Variants in SMPX observed in about 807,000 individuals in gnomAD.
SMPX encodes small muscle protein X-linked, also known as small muscular protein.
Under a neutral mutation model 6.3 loss-of-function variants are expected in SMPX, and 2 were observed. That is an observed-to-expected ratio of 0.32 (90% CI 0.13 to 0.99). SMPX has a LOEUF of 0.99. SMPX is among the 50% of genes least tolerant of loss of function. The pLI is 0.49. For synonymous variants in SMPX, 32 were observed against 24.7 expected, an observed-to-expected ratio of 1.30 and a Z score of -0.88; for missense variants, 60 against 66.8, an observed-to-expected ratio of 0.90 and a Z score of 0.36.
rs145834885 is a variant in SMPX, at chrX:21,717,018, T to C, written c.*15-10624A>G. 3.6e-3 allele frequency among the ~76,000 whole-genome samples: 408 copies of C among 112,170 alleles called. 2 individuals are homozygous for C. The highest frequency in any genetic ancestry group is 0.012 in the African/African-American group (377 of 30,877). The stretch of plus-strand genomic sequence containing the variant: ...AGAAGTGAAGTCTGTGCTTTTAGTG[T>C]AACCATCACCAAAAGAGTGTACGCT... On this transcript the variant is annotated intron_variant, in intron 4 of 4. Coordinates refer to ENST00000379494, the MANE Select transcript of SMPX (RefSeq NM_014332.3).
chrX:21,738,803 A>C (rs2092813253), intron 3 of SMPX, among the ~76,000 whole-genome samples: 1 of 110,844 alleles, frequency 9.0e-6, no homozygotes, highest in Admixed American at 9.6e-5. Flanking sequence ...GAGCGACTTC[A>C]CCTGGAGAAC....
chrX:21,721,444 C>T (rs1167821709), intron 4 of SMPX, among the ~76,000 whole-genome samples: 6 of 112,240 alleles, frequency 5.3e-5, no homozygotes, highest in South Asian at 7.5e-4. Context: ...TGTTTTCCAC[C>T]GTTGAATACT....
chrX:21,754,784 T>G (rs1429333828), intron 1 of SMPX, among the ~76,000 whole-genome samples: 1 of 112,071 alleles, frequency 8.9e-6, no homozygotes, highest in African/African-American at 3.2e-5. Context: ...CCTGTACCAC[T>G]TCCTTAACGG....
chrX:21,740,414 A>G (rs1295563953), intron 3 of SMPX, among the ~76,000 whole-genome samples: 1 of 112,277 alleles, frequency 8.9e-6, no homozygotes, highest in Non-Finnish European at 1.9e-5. Context: ...CAGTTTCAGG[A>G]ATGGCTGTTG....
chrX:21,726,354 C>A (rs892565889), intron 4 of SMPX, among the ~76,000 whole-genome samples: 2 of 112,338 alleles, frequency 1.8e-5, no homozygotes, highest in African/African-American at 6.5e-5. Flanking sequence ...GAAACAGACA[C>A]AACACTCAAA....
chrX:21,713,663 G>A lies in SMPX; in HGVS notation c.*15-7269C>T, dbSNP rs189839583. 1.4e-4 allele frequency among the ~76,000 whole-genome samples: 16 copies of A among 111,663 alleles called. No homozygotes were observed. The East Asian group carries it at 4.0e-3, about 28-fold the overall frequency. On this transcript the variant is annotated intron_variant, in intron 4 of 4. Coordinates refer to ENST00000379494, the MANE Select transcript of SMPX (RefSeq NM_014332.3). ...TGAGAAAGACCCGCCCCCATGATTC[G>A]ATTATCTCCCACTGGGTCCCTCCCA...
intron 3 of SMPX, 57 bp from the exon 4 acceptor site, chrX:21,737,754 G>C (rs1379898780): frequency 2.6e-6 from 3 of 1,133,834 alleles, no homozygotes; most frequent in Non-Finnish European, 3.6e-6. Context: ...ATCTCTTTGG[G>C]CCATAAGCAT....
intron 4 of SMPX, among the ~76,000 whole-genome samples, chrX:21,724,082 G>A (rs975595057): frequency 8.9e-6 from 1 of 111,947 alleles, no homozygotes; most frequent in Admixed American, 9.4e-5. Flanking sequence ...GATTTGGCTC[G>A]GAATGACTCC....
At position 21,722,367 on chromosome X, in the gene SMPX, C is replaced by T. The variant is rs1416258784; in HGVS notation, c.*14+15182G>A. 2.7e-5 allele frequency among the ~76,000 whole-genome samples: 3 copies of T among 112,065 alleles called. No individual in the cohort carries two copies. The East Asian group carries it at 8.4e-4, about 31-fold the overall frequency. ...AGCATATATTTGAAGCTTGGCAAGG[C>T]CTTATTTAGAAATACTTTCATTAGA... On this transcript the variant is annotated intron_variant, in intron 4 of 4. Coordinates refer to ENST00000379494, the MANE Select transcript of SMPX (RefSeq NM_014332.3).
At chrX:21,741,196 A>C (rs2092815622) in intron 3 of SMPX, among the ~76,000 whole-genome samples, 1 of 111,902 alleles carries the variant, frequency 8.9e-6, no homozygotes, top group Non-Finnish European at 1.9e-5. Flanking sequence ...CATCCTCTTC[A>C]CATCTGAGAG....
intron 4 of SMPX, among the ~76,000 whole-genome samples, chrX:21,714,908 A>G (rs2092782557): frequency 8.9e-6 from 1 of 111,870 alleles, no homozygotes; most frequent in African/African-American, 3.3e-5. Context: ...ATTTCATGCA[A>G]AACAATTTTC....
At chrX:21,712,936 A>G (rs933411731) in intron 4 of SMPX, among the ~76,000 whole-genome samples, 1 of 112,176 alleles carries the variant, frequency 8.9e-6, no homozygotes, top group Non-Finnish European at 1.9e-5. Flanking sequence ...GAGCAACCAA[A>G]TGGAAAACTA....
chrX:21,751,829 G>A (rs1236433317), intron 2 of SMPX, among the ~76,000 whole-genome samples: 1 of 111,887 alleles, frequency 8.9e-6, no homozygotes, highest in Non-Finnish European at 1.9e-5. Context: ...ATTAATCAGG[G>A]CTTCTATTTG....
At chrX:21,742,455 T>G (rs1368331158) in intron 3 of SMPX, among the ~76,000 whole-genome samples, 3 of 112,190 alleles carry the variant, frequency 2.7e-5, no homozygotes, top group Admixed American at 9.5e-5. Flanking sequence ...AGACACAGAC[T>G]CTGAAATACT....
At chrX:21,739,281 T>G (rs1321106101) in intron 3 of SMPX, among the ~76,000 whole-genome samples, 1 of 112,155 alleles carries the variant, frequency 8.9e-6, no homozygotes, top group Non-Finnish European at 1.9e-5. Context: ...ACGTCCTTTA[T>G]AGAAATGTTT....
At position 21,750,455 on chromosome X, in the gene SMPX, G is replaced by T. The variant is rs1246660580; in HGVS notation, c.45+3791C>A. Among the ~76,000 whole-genome samples, 3 of 111,891 alleles carry T rather than the reference G, an allele frequency of 2.7e-5. No individual in the cohort carries two copies. In the East Asian group the frequency reaches 8.4e-4, roughly 31 times the overall value. On this transcript the variant is annotated intron_variant, in intron 2 of 4. Transcript: ENST00000379494. ...ATGTACTGCCTATGGCTGCTTTTGT[G>T]GTACAACAGCAGAGCTGAGTAGTGG...
intron 2 of SMPX, among the ~76,000 whole-genome samples, chrX:21,746,498 G>A (rs1294600219): frequency 9.0e-6 from 1 of 111,309 alleles, no homozygotes; most frequent in Non-Finnish European, 1.9e-5. Flanking sequence ...CTTACACTTT[G>A]AGAGTGGTCT....
intron 4 of SMPX, among the ~76,000 whole-genome samples, chrX:21,713,940 C>T (rs181396377): frequency 1.6e-3 from 182 of 112,126 alleles, no homozygotes; most frequent in African/African-American, 5.6e-3. Context: ...TCTAAAAATA[C>T]TTTATATAGA....
chrX:21,749,292 CATT>C (rs2092824872), intron 2 of SMPX, among the ~76,000 whole-genome samples: 1 of 112,373 alleles, frequency 8.9e-6, no homozygotes, highest in Admixed American at 9.4e-5. Context: ...CCATGTTTAT[CATT>C]GAGTCTCTTT....
Sources: gnomAD v4.1 joint callset for allele counts (sites outside exome capture counted in the v4.1 genomes callset) on GRCh38, gnomAD v4.1.1 for gene constraint, MANE v1.5 for transcripts, NCBI Gene and HGNC (gene_info 2026-07-23, HGNC 2026-07-21) for gene names.